The following PDCD11 variants were observed in gnomAD, a reference collection of about 807,000 sequenced individuals.
PDCD11 encodes programmed cell death 11, also known as protein RRP5 homolog.
PDCD11 carries 97 observed loss-of-function variants against 198.9 expected under a neutral mutation model. The ratio of observed to expected loss-of-function variants is 0.49; its 90% CI spans 0.41 to 0.58. PDCD11 has a LOEUF of 0.58. Among genes scored for constraint, PDCD11 ranks in the 20% least tolerant of loss-of-function variants. The pLI, the probability that PDCD11 is intolerant of heterozygous loss-of-function variation, is 0.00. For missense variants in PDCD11, 2,102 were observed against 2,312.7 expected, an observed-to-expected ratio of 0.91 and a Z score of 1.87; for synonymous variants, 893 against 918.0, an observed-to-expected ratio of 0.97 and a Z score of 0.49.
intron 35 of PDCD11, 117 bp downstream of exon 35, chr10:103,444,799 G>A (rs2032531007): frequency 1.1e-6 from 1 of 938,874 alleles, no homozygotes; most frequent in Non-Finnish European, 1.7e-6. Flanking sequence ...CCAGCTAGAT[G>A]TGATGCCCCA....
chr10:103,405,379 G>T, intron 5 of PDCD11, 196 bp downstream of exon 5: 1 of 461,316 alleles, frequency 2.2e-6, no homozygotes, highest in Non-Finnish European at 3.9e-6. Context: ...TTACATTGGA[G>T]AAGAGAAAAG....
In PDCD11 at chr10:103,413,342, T is replaced by C; in HGVS notation, c.1185+20T>C. 2 of 1,598,712 alleles carry C rather than the reference T, an allele frequency of 1.3e-6. No individual in the cohort carries two copies. The highest frequency in any genetic ancestry group is 1.7e-6 in the Non-Finnish European group (2 of 1,166,254). ...GCCCGGGTAAGGAGGCCTCTTTGTT[T>C]GGTCAGGGATCTTATCACTGGAAGG... is the stretch of plus-strand genomic sequence containing the variant. On this transcript the variant is annotated intron_variant, in intron 9 of 35. Coordinates refer to ENST00000369797, the MANE Select transcript of PDCD11 (RefSeq NM_014976.2).
intron 12 of PDCD11, 132 bp from the exon 13 acceptor site, chr10:103,416,359 G>A: frequency 3.7e-6 from 3 of 809,036 alleles, no homozygotes; most frequent in Non-Finnish European, 6.1e-6. Context: ...CCACTGAGAT[G>A]ATTAGAGGAA....
Position 103,440,688 on chromosome 10 carries a change from G to C in PDCD11, c.4441-46G>C, listed in dbSNP as rs777320491. ...GGGGCCGAGGGAGGGTGTCGCCTGG[G>C]GCTGCAGGAGGATGCTCCTAGGCAT... On this transcript the variant is annotated intron_variant, in intron 29 of 35. Transcript: ENST00000369797. The C allele has an allele frequency of 6.8e-6, 11 of 1,613,556 alleles. No homozygotes were observed. The East Asian group carries it at 2.5e-4, about 36-fold the overall frequency.
chr10:103,440,413 T>G lies in PDCD11; in HGVS notation c.4272T>G (p.Ala1424=). ...LTKQEERKTE[A]EERDQKGEKK... is the part of the protein sequence containing the mutation. ...AGCAAGAGGAGAGGAAAACAGAGGC[T>G]GAGGAGAGAGACCAAAAAGGGGAAA... Residue 1424 remains alanine, a synonymous_variant, in exon 29 of 36, where the codon GCT becomes GCG. Transcript: ENST00000369797. 3 of 1,613,984 alleles carry G rather than the reference T, an allele frequency of 1.9e-6. No homozygotes were observed. Among genetic ancestry groups the G allele is most frequent in the Non-Finnish European group, 2.5e-6 (3 of 1,180,010 alleles).
Position 103,443,236 on chromosome 10 carries a change from C to T in PDCD11, c.5027C>T (p.Ser1676Phe), listed in dbSNP as rs1184199325. Reference sequence around the variant, plus strand: ...GAGAACATGTACGGCTCTCAGGAGTCCCTGACCAAGGTCTTTGAGCGAGCC... The same window carrying T: ...GAGAACATGTACGGCTCTCAGGAGTTCCTGACCAAGGTCTTTGAGCGAGCC... ...NLENMYGSQESLTKVFERAVQ... is the reference protein window; with the variant it reads ...NLENMYGSQEFLTKVFERAVQ... Residue 1676 changes from serine to phenylalanine, a missense_variant, in exon 33 of 36, where the codon TCC becomes TTC. By Grantham distance (155) the Ser-to-Phe change is radical (BLOSUM62 -2). Coordinates refer to ENST00000369797, the MANE Select transcript of PDCD11 (RefSeq NM_014976.2). 6.2e-7 allele frequency: 1 copy of T among 1,612,720 alleles called. No individual in the cohort carries two copies. Among genetic ancestry groups the T allele is most frequent in the South Asian group, 1.1e-5 (1 of 91,026 alleles).
rs569965517 is a variant in PDCD11 at position 103,410,196 on chromosome 10, C to G, written c.978+390C>G. ...GTTGCAGTGAGCTGAGATCGTGCCA[C>G]TGCACTCCAGCCTAGACAACAGAGC... On this transcript the variant is annotated intron_variant, in intron 8 of 35. Transcript: ENST00000369797. Among the ~76,000 whole-genome samples, 10 of 150,596 alleles carry G rather than the reference C, an allele frequency of 6.6e-5. No homozygotes were observed. In the South Asian group the frequency reaches 8.3e-4, roughly 13 times the overall value.
intron 30 of PDCD11, among the ~76,000 whole-genome samples, chr10:103,441,430 G>A (rs573025295): frequency 6.6e-6 from 1 of 152,130 alleles, no homozygotes; most frequent in East Asian, 1.9e-4. Flanking sequence ...GCTAATTTTT[G>A]TATTAGTAGA....
rs749309512 is a variant in PDCD11 at position 103,445,512 on chromosome 10, A to G, written c.5579A>G (p.Glu1860Gly). The G allele has an allele frequency of 3.1e-6, 5 of 1,613,854 alleles. No individual in the cohort carries two copies. In the Admixed American group the frequency reaches 8.3e-5, roughly 27 times the overall value. ...DVQAVKAKALEYVEAKSSVLE... is the reference protein window; with the variant it reads ...DVQAVKAKALGYVEAKSSVLE... ...CAGGCAGTCAAGGCCAAGGCCCTGG[A>G]GTATGTGGAGGCCAAGAGCTCAGTG... Residue 1860 changes from glutamate to glycine, a missense_variant, in exon 36 of 36, where the codon GAG (glutamate) becomes GGG (glycine). Transcript: ENST00000369797.
chr10:103,439,687 C>T (rs1360011395), intron 27 of PDCD11, 59 bp from the exon 28 acceptor site: 2 of 1,607,264 alleles, frequency 1.2e-6, no homozygotes, highest in East Asian at 2.2e-5. Flanking sequence ...GTCCCGAGGC[C>T]TGGTTGGAAT....
intron 2 of PDCD11, 149 bp downstream of exon 2, chr10:103,398,677 C>T (rs1170805740): frequency 1.6e-6 from 1 of 633,628 alleles, no homozygotes; most frequent in Admixed American, 2.6e-5. Flanking sequence ...TTAGAGAGGC[C>T]ATACCACCAC....
intron 13 of PDCD11, 117 bp downstream of exon 13, chr10:103,416,859 C>A: frequency 8.6e-7 from 1 of 1,168,666 alleles, no homozygotes; most frequent in Non-Finnish European, 1.2e-6. Flanking sequence ...GCACATGGGG[C>A]AGTGGGTGTG....
chr10:103,414,020 G>A lies in PDCD11; in HGVS notation c.1240G>A (p.Gly414Arg). Residue 414 changes from glycine to arginine, a missense_variant, in exon 10 of 36, where the codon GGG (glycine) becomes AGG (arginine). Coordinates refer to ENST00000369797, the MANE Select transcript of PDCD11 (RefSeq NM_014976.2). ...CTTCAATCCTGAGGCCTTCAAGCCA[G>A]GGAACACTCACAAGTGTAGAATTAT... ...NVFNPEAFKP[G>R]NTHKCRIIDY... The A allele has an allele frequency of 6.2e-7, 1 of 1,613,660 alleles. No individual in the cohort carries two copies. The highest frequency in any genetic ancestry group is 1.3e-5 in the African/African-American group (1 of 75,004).
At chr10:103,419,982 G>A (rs1158396653) in intron 16 of PDCD11, among the ~76,000 whole-genome samples, 2 of 122,196 alleles carry the variant, frequency 1.6e-5, no homozygotes, top group African/African-American at 6.6e-5. Context: ...TTGAGTAGTA[G>A]AGACAGAGTT....
Position 103,423,086 on chromosome 10 carries a change from G to A in PDCD11, c.2596G>A (p.Gly866Arg). The change falls in exon 18 of 36, where the codon GGG becomes AGG. Residue 866 changes from glycine (G) to arginine (R), a missense_variant. By Grantham distance (125) the Gly-to-Arg change is moderately radical (BLOSUM62 -2). Coordinates refer to ENST00000369797, the MANE Select transcript of PDCD11 (RefSeq NM_014976.2). ...VLEDGSVVFS[G>R]GPVPDLVLKA... ...GGAAGATGGCTCTGTGGTATTCAGT[G>A]GGGGTCCAGTGCCCGACCTGGTCCT... The A allele has an allele frequency of 6.2e-7, 1 of 1,605,714 alleles. No homozygotes were observed. The highest frequency in any genetic ancestry group is 1.1e-5 in the South Asian group (1 of 89,596).
chr10:103,405,480 C>A, intron 5 of PDCD11: 1 of 256,508 alleles, frequency 3.9e-6, no homozygotes, highest in Non-Finnish European at 7.5e-6. Context: ...TCTCGGCTCA[C>A]CACAGCCTCC....
chr10:103,401,895 A>C (rs1419000402), intron 3 of PDCD11, among the ~76,000 whole-genome samples: 2 of 152,074 alleles, frequency 1.3e-5, no homozygotes, highest in Non-Finnish European at 2.9e-5. Context: ...GGCGCCCGCC[A>C]CCACGCCCAG....
rs374383491 is a variant in PDCD11 at position 103,413,343 on chromosome 10, G to A, written c.1185+21G>A. 8.1e-6 allele frequency: 13 copies of A among 1,598,916 alleles called. No homozygotes were observed. In the African/African-American group the frequency reaches 1.6e-4, roughly 20 times the overall value. On this transcript the variant is annotated intron_variant, in intron 9 of 35. Coordinates refer to ENST00000369797, the MANE Select transcript of PDCD11 (RefSeq NM_014976.2). The stretch of plus-strand genomic sequence containing the variant: ...CCCGGGTAAGGAGGCCTCTTTGTTT[G>A]GTCAGGGATCTTATCACTGGAAGGA...
Position 103,417,839 on chromosome 10 carries a change from G to A in PDCD11, c.1818G>A (p.Met606Ile), listed in dbSNP as rs759906250. The change falls in exon 14 of 36, where the codon ATG (methionine) becomes ATA (isoleucine). Residue 606 changes from methionine (M) to isoleucine (I), a missense_variant. Coordinates refer to ENST00000369797, the MANE Select transcript of PDCD11 (RefSeq NM_014976.2). ...ACTGTGAGCCATCCAAAGAGAGGAT[G>A]CTCTTATCCTTCAAGCTGTCGAGTG... The part of the protein sequence containing the change: ...VLNCEPSKER[M>I]LLSFKLSSDP... The A allele has an allele frequency of 2.5e-6, 4 of 1,614,148 alleles. No homozygotes were observed. The highest frequency in any genetic ancestry group is 3.3e-5 in the Admixed American group (2 of 60,016).
Sources: allele counts gnomAD v4.1 joint callset (sites outside exome capture counted in the v4.1 genomes callset), GRCh38; gene constraint gnomAD v4.1.1; transcripts MANE v1.5; gene names NCBI Gene and HGNC (gene_info 2026-07-23, HGNC 2026-07-21).